The following DNAH12 variants were observed in gnomAD, a reference collection of about 807,000 sequenced individuals.
The protein encoded by DNAH12 is axonemal beta dynein heavy chain 12.
Under a neutral mutation model 371.5 loss-of-function variants are expected in DNAH12, and 285 were observed. That is an observed-to-expected ratio of 0.77 (90% CI 0.70 to 0.85). DNAH12 has a LOEUF of 0.85. Among genes scored for constraint, DNAH12 ranks in the 40% least tolerant of loss-of-function variants. The pLI is 0.00. For synonymous variants in DNAH12, 1,200 were observed against 1,213.0 expected (o/e 0.99, Z 0.22); for missense variants, 3,611 against 3,689.4 (o/e 0.98, Z 0.55).
rs762605104 is a variant in DNAH12 at position 57,437,067 on chromosome 3, T to TA, written c.4546-8dup. The TA allele has an allele frequency of 9.5e-6, 14 of 1,481,448 alleles. No individual in the cohort carries two copies. Among genetic ancestry groups the TA allele is most frequent in the Admixed American group, 4.8e-5 (2 of 41,290 alleles). The allele number at this position is 1,481,448 out of a possible 1,614,324, so 91.8% of individuals were successfully genotyped here. A position where few individuals can be genotyped will look rare whatever the true frequency, so the allele number is the denominator to read the frequency against. On this transcript the variant is annotated splice_polypyrimidine_tract_variant and splice_region_variant and intron_variant, in intron 29 of 73. Coordinates refer to ENST00000495027, the MANE Select transcript of DNAH12 (RefSeq NM_001366028.2). Reference sequence around the variant, plus strand: ...GAGCACATTCCAAAAATTCCTGAAATAAAAAAAAGTAATGCATTTCTACAA... The same window carrying TA: ...GAGCACATTCCAAAAATTCCTGAAATAAAAAAAAAGTAATGCATTTCTACAA...
At chr3:57,407,561 CT>C (rs1559624407) in intron 40 of DNAH12, among the ~76,000 whole-genome samples, 1 of 152,142 alleles carries the variant, frequency 6.6e-6, no homozygotes, top group Non-Finnish European at 1.5e-5. Flanking sequence ...GAGTTTTCTG[CT>C]TCCTGTTGCA....
chr3:57,323,483 G>A lies in DNAH12; in HGVS notation c.10115C>T (p.Ala3372Val), dbSNP rs901431179. The A allele has an allele frequency of 1.1e-4, 163 of 1,547,600 alleles. No individual in the cohort carries two copies. Among genetic ancestry groups the A allele is most frequent in the Admixed American group, 2.8e-4 (14 of 49,856 alleles). ...TATGCACTTACTGGCCATAGGATCTGCTCCTGGAGATAGAACAAAAATTAA... is the reference window on the plus strand; with the variant it reads ...TATGCACTTACTGGCCATAGGATCTACTCCTGGAGATAGAACAAAAATTAA... ...IPLIFVLSPG[A>V]DPMASLLKFA... The change falls in exon 63 of 74, where the codon GCA becomes GTA. Residue 3372 changes from alanine to valine, a missense_variant. Ala to Val is a moderately conservative substitution (Grantham distance 64). Transcript: ENST00000495027.
At position 57,330,008 on chromosome 3, in the gene DNAH12, A is replaced by G. The variant is rs1295426073; in HGVS notation, c.9978+4457T>C. Among the ~76,000 whole-genome samples, 1,282 of 150,786 alleles carry G rather than the reference A, an allele frequency of 8.5e-3. 10 individuals carry two copies. The highest frequency in any genetic ancestry group is 0.03 in the African/African-American group (1,214 of 40,332). ...CAGAGAAATGCAAATCAAAACCACAATGAGATATCATCTCATACCAGTTAG... is the reference window on the plus strand; with the variant it reads ...CAGAGAAATGCAAATCAAAACCACAGTGAGATATCATCTCATACCAGTTAG... On this transcript the variant is annotated intron_variant, in intron 62 of 73. Transcript: ENST00000495027.
intron 65 of DNAH12, among the ~76,000 whole-genome samples, chr3:57,321,927 C>G (rs1210660397): frequency 6.6e-6 from 1 of 152,132 alleles, no homozygotes; most frequent in Non-Finnish European, 1.5e-5. Flanking sequence ...TTACTAGAAT[C>G]TAAGTTTCAT....
chr3:57,528,162 G>T (rs2068713858), intron 2 of DNAH12, among the ~76,000 whole-genome samples: 1 of 151,796 alleles, frequency 6.6e-6, no homozygotes, highest in Admixed American at 6.6e-5. Flanking sequence ...TTGAGTAGCT[G>T]GGATTACAGG....
intron 58 of DNAH12, among the ~76,000 whole-genome samples, chr3:57,363,107 C>A (rs1389505196): frequency 1.3e-5 from 2 of 151,988 alleles, no homozygotes; most frequent in African/African-American, 4.8e-5. Flanking sequence ...AGAACGGAGC[C>A]CTCAGAAATA....
Position 57,301,792 on chromosome 3 carries a change from G to T in DNAH12, c.11337C>A (p.Ser3779Arg), listed in dbSNP as rs982717898. The T allele has an allele frequency of 1.9e-6, 3 of 1,551,414 alleles. No individual in the cohort carries two copies. Among genetic ancestry groups the T allele is most frequent in the Non-Finnish European group, 2.6e-6 (3 of 1,146,976 alleles). The part of the protein sequence containing the change: ...PEIWAKRSYP[S>R]LKPLGSYITD... The stretch of plus-strand genomic sequence containing the variant: ...TGATGTAACTTCCCAGGGGCTTAAG[G>T]CTTGGGTATGAACGTTTGGCCCATA... Residue 3779 changes from serine (S) to arginine (R), a missense_variant, in exon 70 of 74, where the codon AGC becomes AGA. Physicochemically the swap from Ser to Arg is moderately radical, Grantham distance 110. Transcript: ENST00000495027.
At chr3:57,485,975 T>C (rs2066911636) in intron 12 of DNAH12, among the ~76,000 whole-genome samples, 1 of 151,914 alleles carries the variant, frequency 6.6e-6, no homozygotes, top group African/African-American at 2.4e-5. Flanking sequence ...ATCTCAGCAC[T>C]TTGGGAGGTC....
chr3:57,486,725 G>A (rs1288584404), intron 12 of DNAH12, among the ~76,000 whole-genome samples: 1 of 151,380 alleles, frequency 6.6e-6, no homozygotes, highest in Non-Finnish European at 1.5e-5. Flanking sequence ...CAAAAAAAAT[G>A]CTGAGGATCC....
Position 57,403,326 on chromosome 3 carries a change from A to G in DNAH12, c.6931T>C (p.Trp2311Arg). 1 of 1,547,430 alleles carries G rather than the reference A, an allele frequency of 6.5e-7. No homozygotes were observed. The highest frequency in any genetic ancestry group is 1.4e-5 in the African/African-American group (1 of 72,874). The change falls in exon 43 of 74, where the codon TGG becomes CGG. Residue 2311 changes from tryptophan to arginine, a missense_variant. Trp to Arg is a moderately radical substitution (Grantham distance 101, BLOSUM62 -3). This residue lies in a region of DNAH12 where 2,266 missense variants were observed against 2,236.9 expected (regional missense o/e 1.01). Transcript: ENST00000495027. Reference protein sequence around the residue: ...EISKSYGMNEWREDMKGLLRN... With the variant: ...EISKSYGMNERREDMKGLLRN... ...AATTTTACCTTCATATCCTCTCTCC[A>G]TTCATTCATACCATAGCTCTTAGAA...
At chr3:57,385,491 T>A (rs1261440930) in intron 47 of DNAH12, 62 bp from the exon 48 acceptor site, 2 of 152,206 alleles carry the variant, frequency 1.3e-5, no homozygotes, top group South Asian at 4.1e-4. Flanking sequence ...TGAAACCAAA[T>A]GCAGAAAATA....
chr3:57,377,899 CAG>C (rs1315887954), intron 52 of DNAH12, among the ~76,000 whole-genome samples: 5 of 152,004 alleles, frequency 3.3e-5, no homozygotes, highest in Admixed American at 6.6e-5. Flanking sequence ...AGAAGATGAC[CAG>C]AGAGAGTGTG....
At chr3:57,432,874 C>T (rs2064997703) in intron 32 of DNAH12, among the ~76,000 whole-genome samples, 1 of 152,224 alleles carries the variant, frequency 6.6e-6, no homozygotes, top group East Asian at 1.9e-4. Flanking sequence ...AGAATCTACA[C>T]TTGAAATTGG....
At chr3:57,539,403 T>C (rs1439915418) in intron 2 of DNAH12, among the ~76,000 whole-genome samples, 1 of 152,232 alleles carries the variant, frequency 6.6e-6, no homozygotes, top group African/African-American at 2.4e-5. Context: ...TGTTGGTCTT[T>C]GTCAGTTCCT....
intron 4 of DNAH12, chr3:57,519,902 C>T: frequency 3.2e-6 from 3 of 925,820 alleles, no homozygotes; most frequent in Admixed American, 1.7e-5. Flanking sequence ...ATGGCCACCA[C>T]GTTCCACTTC....
intron 4 of DNAH12, among the ~76,000 whole-genome samples, chr3:57,522,473 C>T (rs2068486617): frequency 6.6e-6 from 1 of 152,074 alleles, no homozygotes; most frequent in Admixed American, 6.6e-5. Context: ...TGTTGTGTAT[C>T]AGTAATTATA....
At chr3:57,499,806 C>A (rs1338898669) in intron 11 of DNAH12, among the ~76,000 whole-genome samples, 1 of 147,542 alleles carries the variant, frequency 6.8e-6, no homozygotes, top group Admixed American at 6.8e-5. Context: ...CCACTGCACT[C>A]CAGCCTGGGC....
At chr3:57,540,527 C>A (rs1282770771) in intron 2 of DNAH12, among the ~76,000 whole-genome samples, 1 of 152,154 alleles carries the variant, frequency 6.6e-6, no homozygotes, top group Admixed American at 6.5e-5. Context: ...GCAGACAGTG[C>A]AGTGAGGGAA....
At chr3:57,407,663 C>A (rs2064080536) in intron 40 of DNAH12, among the ~76,000 whole-genome samples, 1 of 151,934 alleles carries the variant, frequency 6.6e-6, no homozygotes, top group Non-Finnish European at 1.5e-5. Context: ...ATATTGTTTC[C>A]CATTTACCAT....
Sources: gnomAD v4.1 joint callset for allele counts (sites outside exome capture counted in the v4.1 genomes callset) on GRCh38, gnomAD v4.1.1 for gene constraint, gnomAD v4.1.1 regional missense constraint, MANE v1.5 for transcripts, NCBI Gene and HGNC (gene_info 2026-07-23, HGNC 2026-07-21) for gene names.